PRKG1: variants seen among roughly 807,000 people sequenced by gnomAD.
PRKG1 encodes protein kinase cGMP-dependent 1.
In PRKG1, 35 loss-of-function variants were observed where a neutral mutation model predicts 88.1. The ratio of observed to expected loss-of-function variants is 0.40; its 90% CI spans 0.30 to 0.53. The LOEUF (loss-of-function observed/expected upper bound fraction) is 0.53, where lower values mean the gene tolerates loss of function less well. PRKG1 is among the 20% of genes least tolerant of loss of function. The pLI, the probability that PRKG1 is intolerant of heterozygous loss-of-function variation, is 0.59. For missense variants in PRKG1, 540 were observed against 839.8 expected (o/e 0.64, Z 4.41); for synonymous variants, 303 against 292.5 (o/e 1.04, Z -0.37).
chr10:51,390,613 A>G (rs1837370862), intron 2 of PRKG1, among the ~76,000 whole-genome samples: 1 of 152,192 alleles, frequency 6.6e-6, no homozygotes, highest in Non-Finnish European at 1.5e-5. Flanking sequence ...CTTTATTATT[A>G]CATTAGTATA....
At chr10:52,090,919 A>C (rs1267732422) in intron 7 of PRKG1, among the ~76,000 whole-genome samples, 3 of 152,182 alleles carry the variant, frequency 2.0e-5, no homozygotes, top group African/African-American at 7.2e-5. Flanking sequence ...TACCAAGTAC[A>C]TTTGTCAATG....
At chr10:51,151,175 G>A (rs913685401) in intron 1 of PRKG1, among the ~76,000 whole-genome samples, 6 of 150,356 alleles carry the variant, frequency 4.0e-5, no homozygotes, top group South Asian at 2.1e-4. Context: ...AAGAGAAAAC[G>A]TAATGCAATT....
intron 1 of PRKG1, among the ~76,000 whole-genome samples, chr10:51,009,257 A>AT (rs1222968279): frequency 1.3e-5 from 2 of 152,188 alleles, no homozygotes; most frequent in Admixed American, 1.3e-4. Context: ...ATAAAGATAG[A>AT]TTTTCTTTGG....
intron 4 of PRKG1, among the ~76,000 whole-genome samples, chr10:51,843,064 T>C (rs1024686585): frequency 1.9e-4 from 29 of 151,306 alleles, no homozygotes; most frequent in Non-Finnish European, 4.0e-4. Context: ...TCACTAAATT[T>C]ATTTTTATTT....
intron 7 of PRKG1, among the ~76,000 whole-genome samples, chr10:52,083,653 G>T (rs1038424233): frequency 3.3e-5 from 5 of 151,970 alleles, no homozygotes; most frequent in African/African-American, 1.2e-4. Flanking sequence ...TCTGACAGAC[G>T]CAAGGGAGAG....
chr10:50,993,145 G>T (rs1283089364), intron 1 of PRKG1, among the ~76,000 whole-genome samples: 2 of 152,172 alleles, frequency 1.3e-5, no homozygotes, highest in African/African-American at 4.8e-5. Context: ...ATGGGATGGG[G>T]AGCCAGGGAG....
intron 10 of PRKG1, among the ~76,000 whole-genome samples, chr10:52,255,708 G>C (rs1029854614): frequency 6.6e-6 from 1 of 152,018 alleles, no homozygotes; most frequent in Non-Finnish European, 1.5e-5. Context: ...ATCAGCAGGG[G>C]TTCAGTGTGT....
At chr10:51,324,815 C>T (rs1841547362) in intron 2 of PRKG1, among the ~76,000 whole-genome samples, 1 of 152,154 alleles carries the variant, frequency 6.6e-6, no homozygotes, top group African/African-American at 2.4e-5. Context: ...ACTTATGTTG[C>T]TTCCATATCT....
chr10:51,557,021 T>C (rs1051177017), intron 3 of PRKG1, among the ~76,000 whole-genome samples: 1 of 152,062 alleles, frequency 6.6e-6, no homozygotes, highest in Non-Finnish European at 1.5e-5. Context: ...CTTTTGACTC[T>C]TCTTTTTCTC....
chr10:52,153,215 A>G (rs1399903163), intron 8 of PRKG1, among the ~76,000 whole-genome samples: 3 of 152,212 alleles, frequency 2.0e-5, no homozygotes, highest in Admixed American at 2.0e-4. Context: ...CTAGAAAAAT[A>G]CAAGTGAAAA....
At chr10:52,150,387 C>A (rs184941491) in intron 8 of PRKG1, among the ~76,000 whole-genome samples, 4 of 152,026 alleles carry the variant, frequency 2.6e-5, no homozygotes, top group African/African-American at 9.6e-5. Flanking sequence ...AGACATGTGA[C>A]CTCGAGCAAA....
chr10:52,294,001 C>A lies in PRKG1; in HGVS notation c.*101C>A. ...AAGAGAGAAGATTAGTGCTCGGGGT[C>A]ACCATGATGCCTTTGATCGATGCTG... is the stretch of plus-strand genomic sequence containing the variant. On this transcript the variant is annotated 3_prime_UTR_variant, in exon 18 of 18. Coordinates refer to ENST00000373980, the MANE Select transcript of PRKG1 (RefSeq NM_006258.4). The A allele has an allele frequency of 1.1e-6, 1 of 919,964 alleles. No individual in the cohort carries two copies. The highest frequency in any genetic ancestry group is 1.7e-6 in the Non-Finnish European group (1 of 590,142). 57.0% of individuals were successfully genotyped at this position (919,964 alleles called of 1,614,324 possible). A position where few individuals can be genotyped will look rare whatever the true frequency, so the allele number is the denominator to read the frequency against.
intron 3 of PRKG1, among the ~76,000 whole-genome samples, chr10:51,784,287 G>C (rs1350393090): frequency 6.6e-6 from 1 of 152,024 alleles, no homozygotes; most frequent in East Asian, 1.9e-4. Flanking sequence ...CTAGCGTGGA[G>C]ATGAGTAGCC....
chr10:51,056,168 T>C (rs576161689), intron 1 of PRKG1, among the ~76,000 whole-genome samples: 17 of 152,314 alleles, frequency 1.1e-4, no homozygotes, highest in Admixed American at 1.1e-3. Context: ...AGTGAGGTTA[T>C]ATATAAGGGT....
chr10:51,391,127 C>G (rs1371664090), intron 2 of PRKG1, among the ~76,000 whole-genome samples: 2 of 152,164 alleles, frequency 1.3e-5, no homozygotes, highest in African/African-American at 2.4e-5. Context: ...ATTCTAGAAC[C>G]TAGTTTCTTC....
intron 3 of PRKG1, among the ~76,000 whole-genome samples, chr10:51,599,894 G>T (rs865859594): frequency 3.3e-5 from 5 of 152,160 alleles, no homozygotes; most frequent in South Asian, 2.1e-4. Context: ...TTTTCCCCTT[G>T]TAAATTTGCT....
intron 4 of PRKG1, among the ~76,000 whole-genome samples, chr10:51,892,585 A>G (rs1306124794): frequency 6.6e-6 from 1 of 152,240 alleles, no homozygotes; most frequent in Non-Finnish European, 1.5e-5. Context: ...TTCATGCAGA[A>G]CAAATAGCAA....
At chr10:52,058,839 A>G (rs1846170305) in intron 6 of PRKG1, among the ~76,000 whole-genome samples, 1 of 152,002 alleles carries the variant, frequency 6.6e-6, no homozygotes, top group African/African-American at 2.4e-5. Flanking sequence ...ATTCTGGAAA[A>G]ACACTGTTCA....
intron 2 of PRKG1, among the ~76,000 whole-genome samples, chr10:51,221,569 C>T (rs1458021709): frequency 6.8e-6 from 1 of 147,486 alleles, no homozygotes; most frequent in East Asian, 2.0e-4. Flanking sequence ...TGGTTTACAA[C>T]AGCAGCCACC....
Sources: gnomAD v4.1 joint callset for allele counts (sites outside exome capture counted in the v4.1 genomes callset) on GRCh38, gnomAD v4.1.1 for gene constraint, MANE v1.5 for transcripts, NCBI Gene and HGNC (gene_info 2026-07-23, HGNC 2026-07-21) for gene names.